ARHGAP29: variants seen among roughly 807,000 people sequenced by gnomAD.
ARHGAP29 encodes the protein Rho GTPase activating protein 29, also known as rho GTPase-activating protein 29.
ARHGAP29 carries 43 observed loss-of-function variants against 122.6 expected under a neutral mutation model. The ratio of observed to expected loss-of-function variants is 0.35; its 90% confidence interval spans 0.27 to 0.45. ARHGAP29 has a LOEUF of 0.45. Among genes scored for constraint, ARHGAP29 ranks in the 20% least tolerant of loss-of-function variants. ARHGAP29 has a pLI of 1.00. For missense variants in ARHGAP29, 1,303 were observed against 1,477.2 expected, an observed-to-expected ratio of 0.88 and a Z score of 1.93; for synonymous variants, 506 against 497.1, an observed-to-expected ratio of 1.02 and a Z score of -0.24.
chr1:94,231,981 C>T (rs1261217240), intron 1 of ARHGAP29, among the ~76,000 whole-genome samples: 1 of 152,084 alleles, frequency 6.6e-6, no homozygotes, highest in Non-Finnish European at 1.5e-5. Flanking sequence ...CTGTATCTGC[C>T]TTGATGCCAA....
At chr1:94,287,892 CA>C in the ARHGAP29 span, among the ~76,000 whole-genome samples, 1 of 152,122 alleles carries the variant, frequency 6.6e-6, no homozygotes, top group African/African-American at 2.4e-5. Flanking sequence ...TTTCTTTATC[CA>C]GTCTATTATT....
intron 19 of ARHGAP29, 74 bp downstream of exon 19, chr1:94,184,077 G>T: frequency 6.6e-7 from 1 of 1,509,602 alleles, no homozygotes; most frequent in Non-Finnish European, 9.1e-7. Context: ...TGTAGCAAAT[G>T]TTATCAGCAA....
At chr1:94,182,716 G>C (rs1649553091) in intron 19 of ARHGAP29, among the ~76,000 whole-genome samples, 1 of 152,078 alleles carries the variant, frequency 6.6e-6, no homozygotes, top group Non-Finnish European at 1.5e-5. Context: ...CCATTCAAGA[G>C]AGTAGAATAT....
the ARHGAP29 span, among the ~76,000 whole-genome samples, chr1:94,298,465 C>T: frequency 6.6e-6 from 1 of 152,178 alleles, no homozygotes; most frequent in East Asian, 1.9e-4. Flanking sequence ...TTAACGATTG[C>T]AAGAGCATTA....
rs115158237 is a variant in ARHGAP29 at position 94,227,317 on chromosome 1, A to G, written c.205+4090T>C. On this transcript the variant is annotated intron_variant, in intron 2 of 22. Transcript: ENST00000260526. ...GTGATACACTCTTAAATTAGAAAGC[A>G]TCTTTTAAAAATAAGAGAACTTGAC... Among the ~76,000 whole-genome samples, 460 of 151,868 alleles carry G rather than the reference A, an allele frequency of 3.0e-3. 1 individual carries two copies. Among genetic ancestry groups the G allele is most frequent in the African/African-American group, 0.011 (441 of 41,530 alleles).
chr1:94,251,695 C>G (rs145963097), intron 1 of ARHGAP29, among the ~76,000 whole-genome samples: 146 of 152,272 alleles, frequency 9.6e-4, no homozygotes, highest in African/African-American at 3.4e-3. Context: ...ATTGGCTTTT[C>G]CCATACATCT....
intron 1 of ARHGAP29, among the ~76,000 whole-genome samples, chr1:94,232,677 A>G (rs1652992245): frequency 6.6e-6 from 1 of 152,200 alleles, no homozygotes. Context: ...TAAAACACCT[A>G]ATACTGGCAC....
At chr1:94,310,420 G>A in the ARHGAP29 span, among the ~76,000 whole-genome samples, 14 of 152,308 alleles carry the variant, frequency 9.2e-5, no homozygotes, top group African/African-American at 2.2e-4. Flanking sequence ...GGCACATGCC[G>A]GAGCGTGCTC....
Position 94,203,986 on chromosome 1 carries a change from A to G in ARHGAP29, c.706T>C (p.Ser236Pro), listed in dbSNP as rs1557859110. Reference protein sequence around the residue: ...VEKKLNLELESTRNMVKLAEA... With the variant: ...VEKKLNLELEPTRNMVKLAEA... ...GCCAACTTGACCATATTTCTAGTGG[A>G]CTCCAATTCTGAAAAGTTCAAAGAG... Residue 236 changes from serine (S) to proline (P), a missense_variant, in exon 8 of 23, where the codon TCC (serine) becomes CCC (proline). Physicochemically the swap from Ser to Pro is moderately conservative, Grantham distance 74. Transcript: ENST00000260526. 6.2e-7 allele frequency: 1 copy of G among 1,613,662 alleles called. No homozygotes were observed. The highest frequency in any genetic ancestry group is 8.5e-7 in the Non-Finnish European group (1 of 1,179,860).
rs577644500 is a variant in ARHGAP29, at chr1:94,205,513, T to C, written c.559+122A>G. The C allele has an allele frequency of 2.3e-5, 21 of 920,706 alleles. No homozygotes were observed. In the East Asian group the frequency reaches 4.1e-4, roughly 18 times the overall value. 57.0% of individuals were successfully genotyped at this position (920,706 alleles called of 1,614,324 possible). ...CTTAAGCTCTATATGTAAAACTTTA[T>C]ATATCATTTTGCATTAAAAATGAAT... On this transcript the variant is annotated intron_variant, in intron 6 of 22. Transcript: ENST00000260526.
intron 17 of ARHGAP29, 96 bp downstream of exon 17, chr1:94,185,246 A>T: frequency 7.3e-7 from 1 of 1,361,110 alleles, no homozygotes; most frequent in Non-Finnish European, 9.8e-7. Flanking sequence ...TTTATTAAAC[A>T]TATATTTGCA....
chr1:94,220,980 C>T (rs1008149935), intron 2 of ARHGAP29, among the ~76,000 whole-genome samples: 3 of 152,086 alleles, frequency 2.0e-5, no homozygotes. Flanking sequence ...TCCTCCTTGG[C>T]CACAGTAGCT....
chr1:94,205,738 T>C (rs1369643982), intron 5 of ARHGAP29, 55 bp from the exon 6 acceptor site: 1 of 1,551,728 alleles, frequency 6.4e-7, no homozygotes, highest in East Asian at 2.3e-5. Context: ...AAATCTTTGC[T>C]TCAGAATTTT....
chr1:94,213,296 C>T (rs995586581), intron 3 of ARHGAP29, among the ~76,000 whole-genome samples: 1 of 152,192 alleles, frequency 6.6e-6, no homozygotes, highest in African/African-American at 2.4e-5. Flanking sequence ...TCTCCTGCCT[C>T]AGCCTCCCGA....
intron 19 of ARHGAP29, among the ~76,000 whole-genome samples, chr1:94,182,448 C>T (rs1002926707): frequency 2.6e-5 from 4 of 152,084 alleles, no homozygotes; most frequent in South Asian, 2.1e-4. Context: ...GGATTGGCAG[C>T]GCTTATGGAG....
chr1:94,290,977 T>C, the ARHGAP29 span, among the ~76,000 whole-genome samples: 1 of 152,360 alleles, frequency 6.6e-6, no homozygotes, highest in East Asian at 1.9e-4. Flanking sequence ...TGGATATCCT[T>C]GTAAATTTTC....
At chr1:94,296,816 A>G in the ARHGAP29 span, among the ~76,000 whole-genome samples, 7 of 152,234 alleles carry the variant, frequency 4.6e-5, no homozygotes, top group African/African-American at 1.7e-4. Context: ...GATAATGCAT[A>G]TTTCTGACAA....
chr1:94,179,715 A>C lies in ARHGAP29; in HGVS notation c.2480+10T>G. On this transcript the variant is annotated intron_variant, in intron 20 of 22. Coordinates refer to ENST00000260526, the MANE Select transcript of ARHGAP29 (RefSeq NM_004815.4). ...CATTAATAAATGTTCTAGTTATATA[A>C]AATTCTTACCGCTTTAGATGTACTA... 1 of 1,560,862 alleles carries C rather than the reference A, an allele frequency of 6.4e-7. No homozygotes were observed. Among genetic ancestry groups the C allele is most frequent in the Non-Finnish European group, 8.7e-7 (1 of 1,142,946 alleles).
At chr1:94,283,857 C>G in the ARHGAP29 span, among the ~76,000 whole-genome samples, 1 of 152,070 alleles carries the variant, frequency 6.6e-6, no homozygotes, top group Non-Finnish European at 1.5e-5. Flanking sequence ...AGTCCCAATC[C>G]CATTTCCAAA....
Sources: gnomAD v4.1 joint callset for allele counts (sites outside exome capture counted in the v4.1 genomes callset) on GRCh38, gnomAD v4.1.1 for gene constraint, MANE v1.5 for transcripts, NCBI Gene and HGNC (gene_info 2026-07-23, HGNC 2026-07-21) for gene names.